Variants in DUSP22 observed in about 807,000 individuals in gnomAD.
DUSP22 encodes the protein dual specificity phosphatase 22.
DUSP22 carries 24 observed loss-of-function variants against 24.5 expected under a neutral mutation model. That is an observed-to-expected ratio of 0.98 (90% CI 0.71 to 1.38). The LOEUF is 1.38. DUSP22 is among the 40% of genes most tolerant of loss of function. DUSP22 has a pLI of 0.00. For synonymous variants in DUSP22, 160 were observed against 106.4 expected (o/e 1.50, Z -3.10); for missense variants, 330 against 269.2 (o/e 1.23, Z -1.58).
intron 3 of DUSP22, among the ~76,000 whole-genome samples, chr6:329,444 G>A (rs1185569148): frequency 6.6e-6 from 1 of 152,308 alleles, no homozygotes; most frequent in Non-Finnish European, 1.5e-5. Context: ...GCCTTAAATG[G>A]TTACGATGGT....
At chr6:331,409 A>T (rs1159287248) in intron 3 of DUSP22, among the ~76,000 whole-genome samples, 1 of 152,296 alleles carries the variant, frequency 6.6e-6, no homozygotes, top group East Asian at 1.9e-4. Flanking sequence ...AATTTTTCAG[A>T]TTGTTCTAGA....
intron 1 of DUSP22, among the ~76,000 whole-genome samples, chr6:298,874 A>G (rs1757457098): frequency 6.6e-6 from 1 of 152,310 alleles, no homozygotes; most frequent in Admixed American, 6.5e-5. Flanking sequence ...CTGCTGCAAG[A>G]TCAGTCCGAA....
intron 4 of DUSP22, among the ~76,000 whole-genome samples, chr6:343,773 G>A (rs541202410): frequency 2.7e-5 from 3 of 112,530 alleles, no homozygotes; most frequent in East Asian, 2.4e-4. Flanking sequence ...CCTGCCGTGA[G>A]GTCGCTGAGT....
At chr6:345,224 C>CT (rs4061670) in intron 4 of DUSP22, among the ~76,000 whole-genome samples, 124,608 of 146,244 alleles carry the variant, frequency 0.85, 51,645 homozygotes, top group Non-Finnish European at 0.91. Context: ...TGGTTTCTTT[C>CT]TTTTTTTTTT....
chr6:348,355 A>G, intron 6 of DUSP22, 81 bp downstream of exon 6: 3 of 1,584,498 alleles, frequency 1.9e-6, no homozygotes, highest in Non-Finnish European at 2.6e-6. Flanking sequence ...CACAGCCAGC[A>G]TCATGGCGTT....
intron 5 of DUSP22, 88 bp from the exon 6 acceptor site, chr6:348,015 C>G: frequency 3.8e-6 from 6 of 1,561,134 alleles, no homozygotes; most frequent in South Asian, 2.4e-5. Flanking sequence ...TGAACAAGGT[C>G]CTTAGAGTCC....
chr6:344,903 A>T (rs1376007817), intron 4 of DUSP22, among the ~76,000 whole-genome samples: 1 of 152,298 alleles, frequency 6.6e-6, no homozygotes, highest in African/African-American at 2.4e-5. Flanking sequence ...CACCTGCGTC[A>T]CGGTGGCCTG....
Position 350,579 on chromosome 6 carries a change from C to T in DUSP22, c.*1628C>T, listed in dbSNP as rs1355308056. On this transcript the variant is annotated 3_prime_UTR_variant, in exon 7 of 7. Transcript: ENST00000419235. ...CCTGATTCCGCGCAGGTGCACAGGC[C>T]CCGGATGTACACCCGGAAAGGGGAG... 3.5e-6 allele frequency: 5 copies of T among 1,412,602 alleles called. No individual in the cohort carries two copies. The highest frequency in any genetic ancestry group is 5.4e-5 in the East Asian group (2 of 37,104). The allele number at this position is 1,412,602 out of a possible 1,614,324, so 87.5% of individuals were successfully genotyped here. A position where few individuals can be genotyped will look rare whatever the true frequency, so the allele number is the denominator to read the frequency against.
chr6:292,827 C>T (rs1270521481), intron 1 of DUSP22, among the ~76,000 whole-genome samples: 3 of 152,286 alleles, frequency 2.0e-5, no homozygotes, highest in African/African-American at 7.2e-5. Context: ...ACAAGCCGCG[C>T]CCTTTGAAAG....
At position 349,840 on chromosome 6, in the gene DUSP22, T is replaced by G; in HGVS notation, c.*889T>G. The G allele has an allele frequency of 1.0e-6, 1 of 986,008 alleles. No homozygotes were observed. Among genetic ancestry groups the G allele is most frequent in the Non-Finnish European group, 1.2e-6 (1 of 830,334 alleles). 61.1% of individuals were successfully genotyped at this position (986,008 alleles called of 1,614,324 possible). On this transcript the variant is annotated 3_prime_UTR_variant, in exon 7 of 7. Transcript: ENST00000419235. Reference sequence around the variant, plus strand: ...AGCTGATTGCACTTGAGCTCTGTGGTGGGCAGGCGCACTTTAGCCTAAGTT... The same window carrying G: ...AGCTGATTGCACTTGAGCTCTGTGGGGGGCAGGCGCACTTTAGCCTAAGTT...
intron 1 of DUSP22, among the ~76,000 whole-genome samples, chr6:293,817 T>TTTG: frequency 6.6e-6 from 1 of 151,202 alleles, no homozygotes; most frequent in South Asian, 2.1e-4. Flanking sequence ...TTTTTTTTTT[T>TTTG]TGGCGAGTGA....
intron 3 of DUSP22, among the ~76,000 whole-genome samples, chr6:315,810 G>A (rs553075929): frequency 1.3e-5 from 2 of 152,306 alleles, no homozygotes; most frequent in South Asian, 2.1e-4. Flanking sequence ...CTTGGGACAG[G>A]TACTGTGGGT....
chr6:326,854 G>T (rs954117089), intron 3 of DUSP22, among the ~76,000 whole-genome samples: 12 of 152,422 alleles, frequency 7.9e-5, no homozygotes, highest in South Asian at 6.2e-4. Flanking sequence ...TAAGAAGGTG[G>T]TGTGCTGTAT....
intron 3 of DUSP22, among the ~76,000 whole-genome samples, chr6:316,480 C>T (rs1279861657): frequency 8.5e-5 from 13 of 152,404 alleles, no homozygotes; most frequent in South Asian, 2.1e-4. Context: ...TTTGTGGGGA[C>T]GGGTGGGAGC....
chr6:299,487 C>T (rs1027903781), intron 1 of DUSP22, among the ~76,000 whole-genome samples: 2 of 152,302 alleles, frequency 1.3e-5, no homozygotes, highest in African/African-American at 4.8e-5. Flanking sequence ...TATTTAGTCT[C>T]CTTGAAACCA....
At chr6:339,950 A>G (rs1485996803) in intron 4 of DUSP22, among the ~76,000 whole-genome samples, 1 of 152,300 alleles carries the variant, frequency 6.6e-6, no homozygotes, top group Non-Finnish European at 1.5e-5. Context: ...GCCAGCCCAT[A>G]GTGATGTTCT....
At chr6:330,304 C>T (rs1384299384) in intron 3 of DUSP22, among the ~76,000 whole-genome samples, 2 of 152,302 alleles carry the variant, frequency 1.3e-5, no homozygotes, top group Non-Finnish European at 2.9e-5. Flanking sequence ...GAAGAGGCTC[C>T]TGCAGGGATC....
intron 1 of DUSP22, among the ~76,000 whole-genome samples, chr6:300,714 G>A (rs1581143586): frequency 1.3e-5 from 2 of 152,420 alleles, no homozygotes; most frequent in African/African-American, 4.8e-5. Flanking sequence ...CAGACCTGCT[G>A]TGCCTGTGAC....
intron 3 of DUSP22, 46 bp downstream of exon 3, chr6:312,008 C>T: frequency 6.3e-7 from 1 of 1,584,926 alleles, no homozygotes; most frequent in Admixed American, 1.8e-5. Context: ...CATTTGTATT[C>T]CGTGGGAGTA....
Sources: allele counts gnomAD v4.1 joint callset (sites outside exome capture counted in the v4.1 genomes callset), GRCh38; gene constraint gnomAD v4.1.1; transcripts MANE v1.5; gene names NCBI Gene and HGNC (gene_info 2026-07-23, HGNC 2026-07-21).